NOXRED1: variants seen among roughly 807,000 people sequenced by gnomAD.
The protein encoded by NOXRED1 is NADP-dependent oxidoreductase domain-containing protein 1.
In NOXRED1, 20 loss-of-function variants were observed where a neutral mutation model predicts 30.4. The observed-to-expected ratio is 0.66, with a 90% CI of 0.46 to 0.96. NOXRED1 has a LOEUF of 0.96. NOXRED1 is among the 40% of genes least tolerant of loss of function. The probability of loss-of-function intolerance (pLI) is 0.00; values close to 1 mark genes in which losing one functional copy is unlikely to be tolerated. For synonymous variants in NOXRED1, 155 were observed against 168.0 expected, an observed-to-expected ratio of 0.92 and a Z score of 0.60; for missense variants, 374 against 428.0, an observed-to-expected ratio of 0.87 and a Z score of 1.11.
intron 3 of NOXRED1, 75 bp from the exon 4 acceptor site, chr14:77,406,950 T>C: frequency 7.4e-7 from 1 of 1,351,636 alleles, no homozygotes; most frequent in East Asian, 2.5e-5. Flanking sequence ...TGTGTTTACA[T>C]CCAACCCCAT....
At position 77,414,209 on chromosome 14, in the gene NOXRED1, T is replaced by C. The variant is rs1894750614; in HGVS notation, c.156-82A>G. The C allele has an allele frequency of 1.4e-5, 12 of 887,402 alleles. No individual in the cohort carries two copies. In the South Asian group the frequency reaches 2.0e-4, roughly 15 times the overall value. 55.0% of individuals were successfully genotyped at this position (887,402 alleles called of 1,614,324 possible). A position where few individuals can be genotyped will look rare whatever the true frequency, so the allele number is the denominator to read the frequency against. On this transcript the variant is annotated intron_variant, in intron 1 of 5. Coordinates refer to ENST00000380835, the MANE Select transcript of NOXRED1 (RefSeq NM_001113475.3). ...TTTTTTTTTTTTTTTTGAGACAGAG[T>C]CTTGCTTTGTCGCCCAGGTTAGAGT...
upstream of NOXRED1, among the ~76,000 whole-genome samples, chr14:77,423,825 T>C (rs1302943013): frequency 1.3e-5 from 2 of 152,196 alleles, no homozygotes; most frequent in Non-Finnish European, 2.9e-5. Context: ...AAGAAACCAA[T>C]AAAATTTTTT....
chr14:77,418,379 G>A lies in NOXRED1; in HGVS notation c.156-4252C>T, dbSNP rs138097100. ...TCGAACTTCTGGAATCAAGCGATCC[G>A]CCTGCCTTAGCCTCCCAAAGTGCTG... On this transcript the variant is annotated intron_variant, in intron 1 of 5. Transcript: ENST00000380835. 1.4e-4 allele frequency among the ~76,000 whole-genome samples: 21 copies of A among 152,054 alleles called. No homozygotes were observed. The East Asian group carries it at 3.5e-3, about 25-fold the overall frequency.
chr14:77,422,980 T>A lies in NOXRED1; in HGVS notation c.-91A>T. Reference sequence around the variant, plus strand: ...GGGGTCTATGTAGGAGGTGTGTGTATGATGGTGTGTGTGCCCAGGTCACAA... The same window carrying A: ...GGGGTCTATGTAGGAGGTGTGTGTAAGATGGTGTGTGTGCCCAGGTCACAA... On this transcript the variant is annotated 5_prime_UTR_variant, in exon 1 of 6. Transcript: ENST00000380835. 1 of 1,037,136 alleles carries A rather than the reference T, an allele frequency of 9.6e-7. No homozygotes were observed. Among genetic ancestry groups the A allele is most frequent in the Non-Finnish European group, 1.4e-6 (1 of 695,694 alleles). The allele number at this position is 1,037,136 out of a possible 1,614,324, so 64.2% of individuals were successfully genotyped here. A position where few individuals can be genotyped will look rare whatever the true frequency, so the allele number is the denominator to read the frequency against.
At chr14:77,420,275 A>G (rs1894953516) in intron 1 of NOXRED1, among the ~76,000 whole-genome samples, 2 of 152,066 alleles carry the variant, frequency 1.3e-5, no homozygotes, top group South Asian at 2.1e-4. Context: ...AGTTGTTTCA[A>G]TTCAATTATT....
intron 5 of NOXRED1, among the ~76,000 whole-genome samples, chr14:77,400,451 G>A (rs1477113382): frequency 6.6e-6 from 1 of 152,198 alleles, no homozygotes; most frequent in Non-Finnish European, 1.5e-5. Context: ...CTGATGACAT[G>A]TGCCCAAGGT....
chr14:77,415,651 T>C (rs1010360002), intron 1 of NOXRED1, among the ~76,000 whole-genome samples: 1 of 135,168 alleles, frequency 7.4e-6, no homozygotes, highest in Non-Finnish European at 1.6e-5. Context: ...GACAGACATA[T>C]AGATATAGTT....
At chr14:77,410,438 C>CTACTAAAATATTA (rs1277260205) in intron 2 of NOXRED1, among the ~76,000 whole-genome samples, 1 of 152,052 alleles carries the variant, frequency 6.6e-6, no homozygotes, top group Admixed American at 6.6e-5. Context: ...AACCCTGTCT[C>CTACTAAAATATTA]TACTAAAATA....
chr14:77,395,566 C>T (rs1566704454), intron 5 of NOXRED1, among the ~76,000 whole-genome samples: 2 of 151,864 alleles, frequency 1.3e-5, no homozygotes, highest in Non-Finnish European at 2.9e-5. Context: ...CTTTGGGAGG[C>T]CAAGGCAGCA....
At chr14:77,396,684 T>C (rs1453150861) in intron 5 of NOXRED1, among the ~76,000 whole-genome samples, 1 of 152,250 alleles carries the variant, frequency 6.6e-6, no homozygotes, top group African/African-American at 2.4e-5. Flanking sequence ...GAAAATGTTT[T>C]TTCATTTATT....
At chr14:77,416,212 T>C (rs1194902364) in intron 1 of NOXRED1, among the ~76,000 whole-genome samples, 8 of 152,164 alleles carry the variant, frequency 5.3e-5, no homozygotes, top group Non-Finnish European at 1.2e-4. Context: ...TCATGAAAAA[T>C]GTCATTGGGA....
intron 1 of NOXRED1, 136 bp downstream of exon 1, chr14:77,422,598 AT>A: frequency 1.2e-6 from 1 of 820,652 alleles, no homozygotes; most frequent in Non-Finnish European, 2.0e-6. Flanking sequence ...ACCAGGAGTC[AT>A]TGACTCTGGG....
intron 5 of NOXRED1, 40 bp from the exon 6 acceptor site, chr14:77,394,845 C>G: frequency 6.8e-7 from 1 of 1,471,936 alleles, no homozygotes; most frequent in Non-Finnish European, 9.4e-7. Context: ...TATGTCTGTT[C>G]AGTATATCTG....
At chr14:77,424,893 C>T (rs1895087326), upstream of NOXRED1, among the ~76,000 whole-genome samples, 1 of 152,178 alleles carries the variant, frequency 6.6e-6, no homozygotes. Context: ...TGTGCATAAT[C>T]AGGGGAAGTA....
At chr14:77,419,568 C>A (rs924039725) in intron 1 of NOXRED1, among the ~76,000 whole-genome samples, 3 of 151,482 alleles carry the variant, frequency 2.0e-5, no homozygotes, top group African/African-American at 7.3e-5. Context: ...CCTGCCTCAG[C>A]CTCCCAAGTA....
chr14:77,406,673 C>T (rs762741958), intron 4 of NOXRED1, 51 bp downstream of exon 4: 3 of 1,549,098 alleles, frequency 1.9e-6, no homozygotes, highest in Non-Finnish European at 2.7e-6. Flanking sequence ...AGCAATGGGC[C>T]AACAGGAAAG....
chr14:77,394,647 C>T lies in NOXRED1; in HGVS notation c.1064G>A (p.Gly355Asp). 1 of 1,610,988 alleles carries T rather than the reference C, an allele frequency of 6.2e-7. No individual in the cohort carries two copies. Among genetic ancestry groups the T allele is most frequent in the Non-Finnish European group, 8.5e-7 (1 of 1,178,438 alleles). The change falls in exon 6 of 6, where the codon GGC becomes GAC. Residue 355 changes from glycine (G) to aspartate (D), a missense_variant. Physicochemically the swap from Gly to Asp is moderately conservative, Grantham distance 94. Transcript: ENST00000380835. ...TGAGTTCTCTTATTGGGATGGAAAGCCTGTGGAAATGACTGGCTGTTCTTT... is the reference window on the plus strand; with the variant it reads ...TGAGTTCTCTTATTGGGATGGAAAGTCTGTGGAAATGACTGGCTGTTCTTT... ...LTKEQPVIST[G>D]FPSQ is the part of the protein sequence containing the mutation.
At chr14:77,396,273 G>T (rs1396637712) in intron 5 of NOXRED1, among the ~76,000 whole-genome samples, 1 of 139,550 alleles carries the variant, frequency 7.2e-6, no homozygotes, top group African/African-American at 2.6e-5. Context: ...TTTTGAAATG[G>T]AGTTTCGCTC....
chr14:77,397,100 G>A (rs1240153869), intron 5 of NOXRED1, among the ~76,000 whole-genome samples: 3 of 152,192 alleles, frequency 2.0e-5, no homozygotes, highest in Non-Finnish European at 4.4e-5. Context: ...GTACATGAAT[G>A]TTCATAACAC....
Sources: allele counts gnomAD v4.1 joint callset (sites outside exome capture counted in the v4.1 genomes callset), GRCh38; gene constraint gnomAD v4.1.1; transcripts MANE v1.5; gene names NCBI Gene and HGNC (gene_info 2026-07-23, HGNC 2026-07-21).